The following TLE1 variants were observed in gnomAD, a reference collection of about 807,000 sequenced individuals.
TLE1 encodes the protein TLE family member 1, transcriptional corepressor, also known as transducin-like enhancer protein 1.
Under a neutral mutation model 89.8 loss-of-function variants are expected in TLE1, and 21 were observed. That is an observed-to-expected ratio of 0.23 (90% CI 0.17 to 0.34). The LOEUF (loss-of-function observed/expected upper bound fraction) is 0.34. Among genes scored for constraint, TLE1 ranks in the 10% least tolerant of loss-of-function variants. The pLI, the probability that TLE1 is intolerant of heterozygous loss-of-function variation, is 1.00. For synonymous variants in TLE1, 447 were observed against 407.6 expected, an observed-to-expected ratio of 1.10 and a Z score of -1.16; for missense variants, 795 against 1,031.2, an observed-to-expected ratio of 0.77 and a Z score of 3.14.
At chr9:81,685,496 A>G (rs1177897229) in intron 4 of TLE1, among the ~76,000 whole-genome samples, 180 bp downstream of exon 4, 1 of 152,212 alleles carries the variant, frequency 6.6e-6, no homozygotes, top group South Asian at 2.1e-4. Flanking sequence ...AAACACTTGT[A>G]ATTATCAAGA....
At chr9:81,631,613 C>T (rs933324613) in intron 8 of TLE1, among the ~76,000 whole-genome samples, 4 of 152,004 alleles carry the variant, frequency 2.6e-5, no homozygotes, top group Non-Finnish European at 5.9e-5. Context: ...ATGGTATGCA[C>T]TCAATGAACA....
At chr9:81,662,737 T>C (rs2132792114) in intron 4 of TLE1, among the ~76,000 whole-genome samples, 1 of 151,960 alleles carries the variant, frequency 6.6e-6, no homozygotes, top group African/African-American at 2.4e-5. Context: ...GCACCGTAAA[T>C]TGATATCCAA....
intron 8 of TLE1, among the ~76,000 whole-genome samples, chr9:81,629,166 T>A: frequency 6.9e-6 from 1 of 144,460 alleles, no homozygotes; most frequent in East Asian, 2.0e-4. Context: ...CAAATATTTG[T>A]CAAATGACTC....
At chr9:81,603,024 T>C (rs1253609461) in intron 14 of TLE1, among the ~76,000 whole-genome samples, 1 of 151,858 alleles carries the variant, frequency 6.6e-6, no homozygotes. Context: ...GAAACAGGAG[T>C]GTGGAATGGT....
At chr9:81,642,032 A>AT (rs1441741942) in intron 6 of TLE1, among the ~76,000 whole-genome samples, 4 of 139,252 alleles carry the variant, frequency 2.9e-5, no homozygotes. Context: ...CCAAAAAAAA[A>AT]GAAAGAAAGA....
chr9:81,631,495 CT>C (rs1464387759), intron 8 of TLE1, among the ~76,000 whole-genome samples: 1 of 152,170 alleles, frequency 6.6e-6, no homozygotes, highest in Non-Finnish European at 1.5e-5. Flanking sequence ...AGTCTTGCTT[CT>C]TTTAGTAATT....
chr9:81,660,211 T>C (rs746241400), intron 4 of TLE1, among the ~76,000 whole-genome samples: 1 of 151,960 alleles, frequency 6.6e-6, no homozygotes, highest in African/African-American at 2.4e-5. Flanking sequence ...GATGCCAGGG[T>C]ACATATTTAA....
intron 5 of TLE1, among the ~76,000 whole-genome samples, chr9:81,652,801 C>G (rs952654724): frequency 6.6e-6 from 1 of 152,068 alleles, no homozygotes; most frequent in South Asian, 2.1e-4. Flanking sequence ...AAATAAAATA[C>G]CCATTTTAAT....
At chr9:81,685,771 C>A (rs1329245922) in intron 3 of TLE1, 51 bp from the exon 4 acceptor site, 1 of 1,612,070 alleles carries the variant, frequency 6.2e-7, no homozygotes. Context: ...GTTTTTTACA[C>A]TCTGCTAACA....
intron 6 of TLE1, among the ~76,000 whole-genome samples, chr9:81,646,057 A>G (rs1828822137): frequency 6.6e-6 from 1 of 152,232 alleles, no homozygotes; most frequent in Non-Finnish European, 1.5e-5. Context: ...AGGTGCAGCA[A>G]TCACAGCACA....
intron 10 of TLE1, among the ~76,000 whole-genome samples, 199 bp downstream of exon 10, chr9:81,616,446 TC>T (rs1824524336): frequency 6.6e-6 from 1 of 152,174 alleles, no homozygotes; most frequent in South Asian, 2.1e-4. Flanking sequence ...TAGAGAAATA[TC>T]TTTTTTTAAA....
At chr9:81,597,739 C>A (rs532517790) in intron 14 of TLE1, among the ~76,000 whole-genome samples, 1 of 152,284 alleles carries the variant, frequency 6.6e-6, no homozygotes, top group African/African-American at 2.4e-5. Flanking sequence ...AGATGTAAAA[C>A]ATGAATGATA....
chr9:81,612,434 T>G (rs1411803352), intron 12 of TLE1: 1 of 895,580 alleles, frequency 1.1e-6, no homozygotes, highest in Middle Eastern at 5.7e-4. Flanking sequence ...AGGAGGAATA[T>G]TCTGTTGCCT....
At chr9:81,678,221 G>A (rs930678310) in intron 4 of TLE1, among the ~76,000 whole-genome samples, 6 of 152,116 alleles carry the variant, frequency 3.9e-5, no homozygotes, top group African/African-American at 1.2e-4. Flanking sequence ...TTGTTTGTGT[G>A]TTCTGAGACA....
chr9:81,648,928 G>A (rs1175946597), intron 6 of TLE1, among the ~76,000 whole-genome samples: 1 of 152,186 alleles, frequency 6.6e-6, no homozygotes, highest in Non-Finnish European at 1.5e-5. Context: ...GCCTAAGTGA[G>A]CTGTGTGTCA....
At chr9:81,616,982 CTTGGCAGA>C (rs1411951637) in intron 9 of TLE1, among the ~76,000 whole-genome samples, 1 of 152,134 alleles carries the variant, frequency 6.6e-6, no homozygotes, top group Non-Finnish European at 1.5e-5. Context: ...GTTGCAAATA[CTTGGCAGA>C]TTGTAAGAGC....
intron 8 of TLE1, among the ~76,000 whole-genome samples, chr9:81,632,143 TCCTCC>T (rs1192528360): frequency 6.6e-6 from 1 of 151,636 alleles, no homozygotes; most frequent in Non-Finnish European, 1.5e-5. Context: ...CAATAAGGCT[TCCTCC>T]ATAAACTAAA....
Position 81,587,747 on chromosome 9 carries a change from G to A in TLE1, c.1911C>T (p.Asp637=), listed in dbSNP as rs1027402011. ...DGTKLWTGGL[D]NTVRSWDLRE... is the part of the protein sequence containing the mutation. The stretch of plus-strand genomic sequence containing the variant: ...GCAGGTCCCAGGACCTGACTGTGTT[G>A]TCCAAACCACCCGTCCAGAGCTTGG... The change falls in exon 17 of 20, where the codon GAC becomes GAT. Residue 637 remains aspartate (D), a synonymous_variant. Coordinates refer to ENST00000376499, the MANE Select transcript of TLE1 (RefSeq NM_005077.5). 17 of 1,614,134 alleles carry A rather than the reference G, an allele frequency of 1.1e-5. No individual in the cohort carries two copies. The highest frequency in any genetic ancestry group is 1.4e-5 in the Non-Finnish European group (16 of 1,180,036).
chr9:81,584,965 C>CCCATCCATCCAT (rs58907018), intron 18 of TLE1, among the ~76,000 whole-genome samples: 11,012 of 149,400 alleles, frequency 0.074, 757 homozygotes, highest in African/African-American at 0.17. Flanking sequence ...CACTCATCCA[C>CCCATCCATCCAT]CCATCCATCC....
Sources: allele counts gnomAD v4.1 joint callset (sites outside exome capture counted in the v4.1 genomes callset), GRCh38; gene constraint gnomAD v4.1.1; transcripts MANE v1.5; gene names NCBI Gene and HGNC (gene_info 2026-07-23, HGNC 2026-07-21).